The following STK3 variants were observed in gnomAD, a reference collection of about 807,000 sequenced individuals.
The protein encoded by STK3 is serine/threonine kinase 3, also known as serine/threonine-protein kinase 3.
STK3 carries 41 observed loss-of-function variants against 58.0 expected under a neutral mutation model. That is an observed-to-expected ratio of 0.71 (90% CI 0.55 to 0.92). The LOEUF (loss-of-function observed/expected upper bound fraction) is 0.92. Ranked by LOEUF, STK3 falls within the 40% of genes least tolerant of loss-of-function variation. The probability of loss-of-function intolerance (pLI) is 0.00; values close to 1 mark genes in which losing one functional copy is unlikely to be tolerated. For synonymous variants in STK3, 170 were observed against 191.0 expected, an observed-to-expected ratio of 0.89 and a Z score of 0.91; for missense variants, 479 against 602.7, an observed-to-expected ratio of 0.79 and a Z score of 2.15.
At chr8:98,620,679 TAA>T (rs775824549) in intron 6 of STK3, among the ~76,000 whole-genome samples, 7 of 150,658 alleles carry the variant, frequency 4.6e-5, no homozygotes, top group Admixed American at 2.6e-4. Flanking sequence ...AGAAAGAAAA[TAA>T]TAAAGAGTAG....
intron 6 of STK3, among the ~76,000 whole-genome samples, chr8:98,670,895 G>C (rs1197458606): frequency 2.0e-5 from 3 of 152,252 alleles, no homozygotes; most frequent in Non-Finnish European, 4.4e-5. Context: ...CTTGGACATG[G>C]GACAAGAACT....
chr8:98,896,164 C>A (rs555004862), intron 1 of STK3, among the ~76,000 whole-genome samples: 2 of 152,104 alleles, frequency 1.3e-5, no homozygotes, highest in Non-Finnish European at 2.9e-5. Flanking sequence ...TGTCTCCTTA[C>A]GCTTGAAAAT....
chr8:98,817,189 C>T (rs968718326), intron 1 of STK3, among the ~76,000 whole-genome samples: 3 of 152,188 alleles, frequency 2.0e-5, no homozygotes, highest in African/African-American at 7.2e-5. Context: ...CATGGCGGCT[C>T]ATGCCTTTAA....
At chr8:98,847,306 A>G (rs771189420) in intron 3 of STK3, among the ~76,000 whole-genome samples, 5 of 152,214 alleles carry the variant, frequency 3.3e-5, no homozygotes, top group Non-Finnish European at 7.3e-5. Flanking sequence ...AGTGGCCACC[A>G]TTCTATAGCA....
Position 98,517,320 on chromosome 8 carries a change from C to T in STK3, c.1317+9422G>A, listed in dbSNP as rs549394032. Among the ~76,000 whole-genome samples the T allele has an allele frequency of 1.3e-4, 20 of 152,070 alleles. No homozygotes were observed. In the South Asian group the frequency reaches 4.2e-3, roughly 32 times the overall value. On this transcript the variant is annotated intron_variant, in intron 10 of 10. Coordinates refer to ENST00000419617, the MANE Select transcript of STK3 (RefSeq NM_006281.4). Reference sequence around the variant, plus strand: ...ATTTTTAAAAAAAGTCTATTATTTACTGAAAAGTCTTCCAACATGAAGAAA... The same window carrying T: ...ATTTTTAAAAAAAGTCTATTATTTATTGAAAAGTCTTCCAACATGAAGAAA...
intron 3 of STK3, among the ~76,000 whole-genome samples, chr8:98,835,399 G>A (rs1835709871): frequency 6.6e-6 from 1 of 152,148 alleles, no homozygotes; most frequent in African/African-American, 2.4e-5. Flanking sequence ...CCTTCCTGGT[G>A]GGCATATGTT....
Position 98,825,572 on chromosome 8 carries a change from G to C in STK3, c.-32C>G. 1 of 1,447,678 alleles carries C rather than the reference G, an allele frequency of 6.9e-7. No homozygotes were observed. The highest frequency in any genetic ancestry group is 9.1e-7 in the Non-Finnish European group (1 of 1,094,710). The allele number at this position is 1,447,678 out of a possible 1,614,324, so 89.7% of individuals were successfully genotyped here. On this transcript the variant is annotated 5_prime_UTR_variant, in exon 1 of 11. Coordinates refer to ENST00000419617, the MANE Select transcript of STK3 (RefSeq NM_006281.4). ...CGGGGACAGAGAGAGGGACCTGGTG[G>C]ACGGCGAAGGCCGAAAGGAGGAAAG...
chr8:98,692,223 T>G (rs953433156), intron 6 of STK3, among the ~76,000 whole-genome samples: 1 of 152,132 alleles, frequency 6.6e-6, no homozygotes, highest in Non-Finnish European at 1.5e-5. Context: ...GTATGGAGGT[T>G]CCTCAAAAAA....
At chr8:98,506,726 G>T (rs545234433) in intron 10 of STK3, among the ~76,000 whole-genome samples, 1 of 151,960 alleles carries the variant, frequency 6.6e-6, no homozygotes, top group South Asian at 2.1e-4. Context: ...AAAAAAAAAA[G>T]AAAGAAAATG....
chr8:98,811,159 C>T (rs1834192227), intron 1 of STK3, among the ~76,000 whole-genome samples: 1 of 152,172 alleles, frequency 6.6e-6, no homozygotes, highest in South Asian at 2.1e-4. Context: ...GGAAACTAAT[C>T]ATGGAGAAGA....
intron 4 of STK3, among the ~76,000 whole-genome samples, chr8:98,730,655 G>A (rs937640175): frequency 2.1e-5 from 3 of 146,096 alleles, no homozygotes; most frequent in Admixed American, 7.2e-5. Flanking sequence ...AGCAGAGGTT[G>A]CAGTGGGCCA....
chr8:98,457,590 T>A (rs890600386), intron 10 of STK3, among the ~76,000 whole-genome samples: 1 of 152,228 alleles, frequency 6.6e-6, no homozygotes, highest in Admixed American at 6.5e-5. Flanking sequence ...TTTTTATGCA[T>A]GAGTTTCATG....
intron 3 of STK3, 21 bp downstream of exon 3, chr8:98,767,222 A>G: frequency 1.3e-6 from 2 of 1,567,130 alleles, no homozygotes; most frequent in Non-Finnish European, 1.7e-6. Flanking sequence ...GGGTAAGCAA[A>G]GAAATAAAAT....
chr8:98,915,917 C>T (rs981984164), intron 1 of STK3, among the ~76,000 whole-genome samples: 9 of 152,110 alleles, frequency 5.9e-5, no homozygotes, highest in Non-Finnish European at 1.3e-4. Context: ...TTTCCAGAAA[C>T]TATGAAAGGC....
intron 7 of STK3, among the ~76,000 whole-genome samples, chr8:98,581,509 A>G (rs1813880828): frequency 6.6e-6 from 1 of 151,670 alleles, no homozygotes; most frequent in Non-Finnish European, 1.5e-5. Context: ...GACAGCCTCA[A>G]AAGGATAGAA....
At chr8:98,815,782 C>T (rs1368040464) in intron 1 of STK3, among the ~76,000 whole-genome samples, 1 of 152,142 alleles carries the variant, frequency 6.6e-6, no homozygotes, top group Non-Finnish European at 1.5e-5. Context: ...TTTCCTTTAT[C>T]AACAGTACCA....
intron 6 of STK3, among the ~76,000 whole-genome samples, chr8:98,610,354 C>T (rs1237486411): frequency 6.6e-6 from 1 of 152,170 alleles, no homozygotes; most frequent in Non-Finnish European, 1.5e-5. Context: ...GTTCCAAGGA[C>T]AAGAAGTTCA....
chr8:98,787,542 T>C (rs148922658), intron 1 of STK3, among the ~76,000 whole-genome samples: 1 of 152,138 alleles, frequency 6.6e-6, no homozygotes, highest in Non-Finnish European at 1.5e-5. Context: ...TTCCCAGCCT[T>C]GATAGAGACC....
At chr8:98,834,617 TGATTCATAGACA>T (rs1199079018) in intron 3 of STK3, among the ~76,000 whole-genome samples, 2 of 152,160 alleles carry the variant, frequency 1.3e-5, no homozygotes, top group African/African-American at 4.8e-5. Context: ...GCCAACTTCC[TGATTCATAGACA>T]GCCATTTTCC....
Sources: allele counts gnomAD v4.1 joint callset (sites outside exome capture counted in the v4.1 genomes callset), GRCh38; gene constraint gnomAD v4.1.1; transcripts MANE v1.5; gene names NCBI Gene and HGNC (gene_info 2026-07-23, HGNC 2026-07-21).